The following SGSM1 variants were observed in gnomAD, a reference collection of about 807,000 sequenced individuals.
SGSM1 encodes RUN and TBC1 domain containing 2.
Under a neutral mutation model 133.8 loss-of-function variants are expected in SGSM1, and 73 were observed. That is an observed-to-expected ratio of 0.55 (90% confidence interval 0.45 to 0.66). SGSM1 has a LOEUF of 0.66. Ranked by LOEUF, SGSM1 falls within the 30% of genes least tolerant of loss-of-function variation. The probability of loss-of-function intolerance (pLI) is 0.00; values close to 1 mark genes in which losing one functional copy is unlikely to be tolerated. For missense variants in SGSM1, 1,213 were observed against 1,448.1 expected (o/e 0.84, Z 2.64); for synonymous variants, 563 against 573.0 (o/e 0.98, Z 0.25).
At chr22:24,854,772 T>C (rs1290485669) in intron 5 of SGSM1, among the ~76,000 whole-genome samples, 1 of 152,190 alleles carries the variant, frequency 6.6e-6, no homozygotes, top group Admixed American at 6.5e-5. Flanking sequence ...GCTTTGATTG[T>C]ACCACTGCAC....
At chr22:24,848,766 G>A (rs1425924083) in intron 4 of SGSM1, among the ~76,000 whole-genome samples, 1 of 152,264 alleles carries the variant, frequency 6.6e-6, no homozygotes, top group African/African-American at 2.4e-5. Flanking sequence ...AGGCAGGGAA[G>A]ACACAAGCAT....
At chr22:24,866,509 A>G (rs1409815821) in intron 9 of SGSM1, among the ~76,000 whole-genome samples, 5 of 152,222 alleles carry the variant, frequency 3.3e-5, no homozygotes, top group Admixed American at 2.0e-4. Context: ...GCCCACATGA[A>G]TTGAAAACTC....
chr22:24,858,250 G>T (rs1364298841), intron 8 of SGSM1, among the ~76,000 whole-genome samples: 2 of 152,192 alleles, frequency 1.3e-5, no homozygotes, highest in Non-Finnish European at 2.9e-5. Flanking sequence ...AAACCTCTGG[G>T]ATTGTAGGCG....
At chr22:24,870,113 AGGCT>A (rs1931694322) in intron 12 of SGSM1, among the ~76,000 whole-genome samples, 1 of 152,226 alleles carries the variant, frequency 6.6e-6, no homozygotes, top group Non-Finnish European at 1.5e-5. Flanking sequence ...CTCCTGGACA[AGGCT>A]GGAACCCCTT....
intron 22 of SGSM1, among the ~76,000 whole-genome samples, chr22:24,913,292 C>CAAAA (rs35021919): frequency 1.0e-5 from 1 of 96,944 alleles, no homozygotes. Flanking sequence ...GACTCCATCT[C>CAAAA]AAAAAAAAAA....
rs1046652710 is a variant in SGSM1, at chr22:24,925,840, C to G, written c.*1566C>G. The G allele has an allele frequency of 1.3e-5, 2 of 152,254 alleles. No homozygotes were observed. The highest frequency in any genetic ancestry group is 2.9e-5 in the Non-Finnish European group (2 of 68,094). The allele number at this position is 152,254 out of a possible 1,614,324, so 9.4% of individuals were successfully genotyped here. ...GGGCCGTGCTAGGTCTGGGAACAAT[C>G]CTCTCCAGGTCTTCACACAGAGTAT... On this transcript the variant is annotated 3_prime_UTR_variant, in exon 25 of 25. Transcript: ENST00000400358.
chr22:24,815,827 AG>A (rs1479497657), intron 2 of SGSM1, among the ~76,000 whole-genome samples: 2 of 152,102 alleles, frequency 1.3e-5, no homozygotes, highest in Admixed American at 1.3e-4. Flanking sequence ...ATGCTGGGTA[AG>A]GGGTGTTGCA....
chr22:24,837,476 G>A (rs1273665859), intron 2 of SGSM1, among the ~76,000 whole-genome samples: 4 of 152,160 alleles, frequency 2.6e-5, no homozygotes, highest in Non-Finnish European at 4.4e-5. Context: ...ACAGGGAGAC[G>A]GTTAGGCCTC....
chr22:24,881,899 C>G lies in SGSM1; in HGVS notation c.1496-2154C>G, dbSNP rs566198181. Reference sequence around the variant, plus strand: ...CACTTTACCTAACACCCTCCAGGTGCCAGTGTGGGCCAGATAAGGGGTGGC... The same window carrying G: ...CACTTTACCTAACACCCTCCAGGTGGCAGTGTGGGCCAGATAAGGGGTGGC... On this transcript the variant is annotated intron_variant, in intron 14 of 24. Transcript: ENST00000400358. Among the ~76,000 whole-genome samples, 8 of 152,258 alleles carry G rather than the reference C, an allele frequency of 5.3e-5. No individual in the cohort carries two copies. In the South Asian group the frequency reaches 1.5e-3, roughly 28 times the overall value.
At chr22:24,852,654 A>G (rs1436833610) in intron 5 of SGSM1, among the ~76,000 whole-genome samples, 1 of 152,108 alleles carries the variant, frequency 6.6e-6, no homozygotes, top group Non-Finnish European at 1.5e-5. Flanking sequence ...TATTGGGCAG[A>G]CTGGTCTCGA....
rs558050739 is a variant in SGSM1, at chr22:24,820,169, G to A, written c.63+13685G>A. Among the ~76,000 whole-genome samples, 283 of 152,288 alleles carry A rather than the reference G, an allele frequency of 1.9e-3. 1 individual carries two copies. Among genetic ancestry groups the A allele is most frequent in the Middle Eastern group, 3.4e-3 (1 of 294 alleles). On this transcript the variant is annotated intron_variant, in intron 2 of 24. Transcript: ENST00000400358. The stretch of plus-strand genomic sequence containing the variant: ...TGTCTTCACAGCTCCATCCTCTCCT[G>A]TGCATGGGCGTGGCAGCCTGAAGGA...
rs7364263 is a variant in SGSM1 at position 24,854,907 on chromosome 22, G to A, written c.456-89G>A. 4.4e-3 allele frequency: 4,462 copies of A among 1,010,326 alleles called. 106 individuals are homozygous for A. In the African/African-American group the frequency reaches 0.058, roughly 13 times the overall value. The allele number at this position is 1,010,326 out of a possible 1,614,324, so 62.6% of individuals were successfully genotyped here. ...GCAGCTGAGGCTCTGGGTGGTAACC[G>A]AGTGACACTGGGGATTGAACTCTCA... On this transcript the variant is annotated intron_variant, in intron 5 of 24. Transcript: ENST00000400358.
chr22:24,909,077 G>A (rs946388644), intron 21 of SGSM1, among the ~76,000 whole-genome samples: 13 of 152,114 alleles, frequency 8.5e-5, no homozygotes, highest in African/African-American at 2.2e-4. Context: ...TCATAGGAGC[G>A]TGAACCCTAT....
At chr22:24,820,939 T>C (rs116647581) in intron 2 of SGSM1, among the ~76,000 whole-genome samples, 1,848 of 152,238 alleles carry the variant, frequency 0.012, 45 homozygotes, top group African/African-American at 0.042. Flanking sequence ...GAGGTTGGGA[T>C]GAGTTGGGTA....
chr22:24,822,088 C>CTCTTT (rs1555920070), intron 2 of SGSM1, among the ~76,000 whole-genome samples: 13 of 96,090 alleles, frequency 1.4e-4, no homozygotes, highest in East Asian at 3.9e-4. Flanking sequence ...TCATCTCTCT[C>CTCTTT]TTTTTTTTTT....
chr22:24,882,256 G>A (rs957130762), intron 14 of SGSM1, among the ~76,000 whole-genome samples: 2 of 151,944 alleles, frequency 1.3e-5, no homozygotes, highest in African/African-American at 2.4e-5. Context: ...TTTTTGTAGA[G>A]ATGTGGTCTC....
Position 24,926,366 on chromosome 22 carries a change from A to G in SGSM1, c.*2092A>G, listed in dbSNP as rs1345849248. 4 of 152,080 alleles carry G rather than the reference A, an allele frequency of 2.6e-5. No homozygotes were observed. The East Asian group carries it at 7.7e-4, about 29-fold the overall frequency. 9.4% of individuals were successfully genotyped at this position (152,080 alleles called of 1,614,324 possible). On this transcript the variant is annotated 3_prime_UTR_variant, in exon 25 of 25. Transcript: ENST00000400358. ...ACCCCCACCAAAGCAGAAACGGGAGACGGCAACGTTCTGGCTGCCATTAGA... is the reference window on the plus strand; with the variant it reads ...ACCCCCACCAAAGCAGAAACGGGAGGCGGCAACGTTCTGGCTGCCATTAGA...
rs1438660105 is a variant in SGSM1 at position 24,912,762 on chromosome 22, A to G, written c.2928+10A>G. On this transcript the variant is annotated intron_variant, in intron 22 of 24. Coordinates refer to ENST00000400358, the MANE Select transcript of SGSM1 (RefSeq NM_001098497.3). ...GAGATCGTTGATCCAGGTATGACCC[A>G]GCATCCATTCTTGCTTTGGACTTTT... The G allele has an allele frequency of 6.2e-7, 1 of 1,600,102 alleles. No homozygotes were observed. The highest frequency in any genetic ancestry group is 8.5e-7 in the Non-Finnish European group (1 of 1,170,122).
intron 2 of SGSM1, among the ~76,000 whole-genome samples, chr22:24,823,681 C>T (rs887422609): frequency 1.3e-5 from 2 of 151,778 alleles, no homozygotes; most frequent in African/African-American, 4.8e-5. Flanking sequence ...GCCTGTAATC[C>T]CAGCACTTTG....
Sources: allele counts gnomAD v4.1 joint callset (sites outside exome capture counted in the v4.1 genomes callset), GRCh38; gene constraint gnomAD v4.1.1; transcripts MANE v1.5; gene names NCBI Gene and HGNC (gene_info 2026-07-23, HGNC 2026-07-21).